CENPH: variants seen among roughly 807,000 people sequenced by gnomAD.
CENPH encodes the protein CENP-H.
CENPH carries 40 observed loss-of-function variants against 42.9 expected under a neutral mutation model. The ratio of observed to expected loss-of-function variants is 0.93; its 90% CI spans 0.72 to 1.21. The LOEUF is 1.21. CENPH is among the 50% of genes most tolerant of loss of function. The pLI is 0.00. For synonymous variants in CENPH, 88 were observed against 96.5 expected (o/e 0.91, Z 0.52); for missense variants, 302 against 292.9 (o/e 1.03, Z -0.23).
In CENPH at chr5:69,194,909, ACTTT is replaced by A. The variant is rs1242514964; in HGVS notation, c.239+223_239+226del. The stretch of plus-strand genomic sequence containing the variant: ...CTACAGGCTCATTGTACCACACCTG[ACTTT>A]CTTTCTTTTTTTTTTTTTTTTTTAA... On this transcript the variant is annotated intron_variant, in intron 3 of 8. Transcript: ENST00000283006. Among the ~76,000 whole-genome samples, 5 of 145,296 alleles carry A rather than the reference ACTTT, an allele frequency of 3.4e-5. No individual in the cohort carries two copies. The East Asian group carries it at 6.0e-4, about 17-fold the overall frequency.
intron 5 of CENPH, among the ~76,000 whole-genome samples, chr5:69,198,347 A>T (rs1034544578): frequency 1.3e-5 from 2 of 151,632 alleles, no homozygotes; most frequent in Non-Finnish European, 2.9e-5. Flanking sequence ...TCTGTCACTC[A>T]GACTGGAGTG....
At chr5:69,200,717 A>ATTTT (rs1554058445) in intron 5 of CENPH, among the ~76,000 whole-genome samples, 18 of 40,960 alleles carry the variant, frequency 4.4e-4, no homozygotes, top group East Asian at 8.7e-4. Context: ...GAATCAGCGT[A>ATTTT]TCTTTTTTTT....
rs1279204898 is a variant in CENPH, at chr5:69,207,953, T to C, written c.488-243T>C. On this transcript the variant is annotated intron_variant, in intron 7 of 8. Coordinates refer to ENST00000283006, the MANE Select transcript of CENPH (RefSeq NM_022909.4). The stretch of plus-strand genomic sequence containing the variant: ...TTGAAACATCTGTAGACAGCTGTTA[T>C]TGTCATACAGAAATACCTGGAACAT... The C allele has an allele frequency of 1.6e-5, 4 of 250,604 alleles. No individual in the cohort carries two copies. In the South Asian group the frequency reaches 3.3e-4, roughly 21 times the overall value. 15.5% of individuals were successfully genotyped at this position (250,604 alleles called of 1,614,324 possible). A position where few individuals can be genotyped will look rare whatever the true frequency, so the allele number is the denominator to read the frequency against.
chr5:69,194,483 A>G (rs558836921), intron 2 of CENPH, among the ~76,000 whole-genome samples, 164 bp from the exon 3 acceptor site: 1 of 152,294 alleles, frequency 6.6e-6, no homozygotes, highest in South Asian at 2.1e-4. Context: ...TTTTTGATCT[A>G]TTGGGTTAAA....
At chr5:69,193,127 A>G (rs1378516868) in intron 2 of CENPH, among the ~76,000 whole-genome samples, 2 of 151,670 alleles carry the variant, frequency 1.3e-5, no homozygotes, top group East Asian at 3.9e-4. Context: ...ATATATATAT[A>G]TATACACACA....
chr5:69,207,105 A>G (rs1212195079), intron 7 of CENPH, among the ~76,000 whole-genome samples: 1 of 152,164 alleles, frequency 6.6e-6, no homozygotes, highest in East Asian at 1.9e-4. Context: ...ACATCCATTT[A>G]TATTTCCAAG....
Position 69,189,594 on chromosome 5 carries a change from G to T in CENPH, c.-41G>T. ...GCGGGAAAAGCGACCTTTTCTGAGC[G>T]CGTTTGCCTGTTGAGTGGTAGCCTT... On this transcript the variant is annotated 5_prime_UTR_variant, in exon 1 of 9. Transcript: ENST00000283006. 1 of 1,534,806 alleles carries T rather than the reference G, an allele frequency of 6.5e-7. No individual in the cohort carries two copies.
chr5:69,196,852 G>T (rs1042830303), intron 4 of CENPH, among the ~76,000 whole-genome samples: 4 of 151,964 alleles, frequency 2.6e-5, no homozygotes, highest in African/African-American at 9.7e-5. Flanking sequence ...ATACCCACAC[G>T]CAACAGCCCT....
intron 7 of CENPH, among the ~76,000 whole-genome samples, chr5:69,204,063 A>AT (rs1491485808): frequency 2.0e-5 from 2 of 99,214 alleles, no homozygotes; most frequent in East Asian, 3.0e-4. Context: ...ATATATATAA[A>AT]TATATATAAT....
intron 5 of CENPH, 79 bp downstream of exon 5, chr5:69,197,188 A>G: frequency 1.2e-6 from 1 of 852,594 alleles, no homozygotes; most frequent in South Asian, 2.4e-5. Context: ...TTAAAAAATT[A>G]TTACTGCCAA....
At chr5:69,192,913 G>A (rs1304669137) in intron 2 of CENPH, among the ~76,000 whole-genome samples, 17 of 151,948 alleles carry the variant, frequency 1.1e-4, no homozygotes, top group African/African-American at 4.1e-4. Flanking sequence ...CCTGACCAAC[G>A]TAGAGAAACC....
In CENPH at chr5:69,208,360, G is replaced by A; in HGVS notation, c.651+1G>A. ...TACTGTTATTCAACATGTGTTCCAG[G>A]TAACATTTATATAAACTAGCAAGAG... On this transcript the variant is annotated splice_donor_variant, in intron 8 of 8. Transcript: ENST00000283006. LOFTEE classifies it high-confidence loss of function. 6.3e-7 allele frequency: 1 copy of A among 1,575,554 alleles called. No homozygotes were observed. The highest frequency in any genetic ancestry group is 8.7e-7 in the Non-Finnish European group (1 of 1,151,448).
chr5:69,192,547 G>C (rs903412886), intron 2 of CENPH, among the ~76,000 whole-genome samples: 1 of 152,154 alleles, frequency 6.6e-6, no homozygotes, highest in Non-Finnish European at 1.5e-5. Flanking sequence ...TAGAGGCCAA[G>C]ACAAGAAGAT....
chr5:69,200,752 T>TTC (rs1748046575), intron 5 of CENPH, among the ~76,000 whole-genome samples: 4 of 117,434 alleles, frequency 3.4e-5, no homozygotes, highest in Non-Finnish European at 6.8e-5. Flanking sequence ...TTTTTTTTTT[T>TTC]TGAGACGGAA....
chr5:69,192,808 T>C (rs1199515296), intron 2 of CENPH, among the ~76,000 whole-genome samples: 3 of 152,052 alleles, frequency 2.0e-5, no homozygotes, highest in Admixed American at 1.3e-4. Context: ...TTAAAAAATA[T>C]ATATATGGCT....
At chr5:69,204,817 G>C (rs1415096501) in intron 7 of CENPH, among the ~76,000 whole-genome samples, 1 of 151,378 alleles carries the variant, frequency 6.6e-6, no homozygotes, top group Non-Finnish European at 1.5e-5. Flanking sequence ...TCTTGGCCAG[G>C]CTGGTCTTGA....
In CENPH at chr5:69,195,738, T is replaced by C. The variant is rs1319848762; in HGVS notation, c.261T>C (p.Asn87=). The C allele has an allele frequency of 1.3e-6, 2 of 1,562,374 alleles. No individual in the cohort carries two copies. Among genetic ancestry groups the C allele is most frequent in the African/African-American group, 1.4e-5 (1 of 72,650 alleles). ...ATAGTAAAATTGAAGACCTGGAAAA[T>C]GAAATTGAAGAGGTAAAAGTTGCTT... ...QIEAKIEDLE[N]EIEEVKVAFE... Residue 87 remains asparagine, a synonymous_variant, in exon 4 of 9, where the codon AAT becomes AAC. Coordinates refer to ENST00000283006, the MANE Select transcript of CENPH (RefSeq NM_022909.4).
At chr5:69,206,826 TG>T (rs1300542754) in intron 7 of CENPH, among the ~76,000 whole-genome samples, 1 of 152,154 alleles carries the variant, frequency 6.6e-6, no homozygotes, top group Non-Finnish European at 1.5e-5. Flanking sequence ...TATATAGATT[TG>T]CCTGTTAGCA....
intron 1 of CENPH, among the ~76,000 whole-genome samples, chr5:69,191,483 G>T (rs1747870974): frequency 6.6e-6 from 1 of 152,202 alleles, no homozygotes; most frequent in Non-Finnish European, 1.5e-5. Flanking sequence ...CTGCACTCCA[G>T]CCTGGGCAAG....
Sources: gnomAD v4.1 joint callset for allele counts (sites outside exome capture counted in the v4.1 genomes callset) on GRCh38, gnomAD v4.1.1 for gene constraint, MANE v1.5 for transcripts, NCBI Gene and HGNC (gene_info 2026-07-23, HGNC 2026-07-21) for gene names.